PCDH15: variants seen among roughly 807,000 people sequenced by gnomAD.
PCDH15 encodes the protein protocadherin-15.
Under a neutral mutation model 178.5 loss-of-function variants are expected in PCDH15, and 129 were observed. The ratio of observed to expected loss-of-function variants is 0.72; its 90% confidence interval spans 0.63 to 0.84. PCDH15 has a LOEUF of 0.84. Ranked by LOEUF, PCDH15 falls within the 40% of genes least tolerant of loss-of-function variation. The pLI, the probability that PCDH15 is intolerant of heterozygous loss-of-function variation, is 0.00. For missense variants in PCDH15, 2,230 were observed against 2,099.9 expected, an observed-to-expected ratio of 1.06 and a Z score of -1.21; for synonymous variants, 800 against 732.0, an observed-to-expected ratio of 1.09 and a Z score of -1.50.
intron 23 of PCDH15, among the ~76,000 whole-genome samples, chr10:53,953,054 A>G (rs2087237886): frequency 2.0e-5 from 3 of 152,182 alleles, no homozygotes. Flanking sequence ...AGCCCCTCCA[A>G]CTCAGAAGTG....
At chr10:55,137,682 T>C (rs1013990440) in intron 2 of PCDH15, among the ~76,000 whole-genome samples, 5 of 152,160 alleles carry the variant, frequency 3.3e-5, no homozygotes, top group African/African-American at 1.2e-4. Flanking sequence ...AAATATTATA[T>C]GTTACTTACT....
intron 2 of PCDH15, among the ~76,000 whole-genome samples, chr10:55,508,595 T>C (rs1160923641): frequency 6.6e-6 from 1 of 151,838 alleles, no homozygotes; most frequent in African/African-American, 2.4e-5. Flanking sequence ...TACTTTTCTA[T>C]GTAACTTCTT....
Position 53,806,721 on chromosome 10 carries a change from C to G in PCDH15, c.5081G>C (p.Ser1694Thr), listed in dbSNP as rs1841189546. The G allele has an allele frequency of 1.2e-6, 2 of 1,613,840 alleles. No individual in the cohort carries two copies. Among genetic ancestry groups the G allele is most frequent in the Non-Finnish European group, 1.7e-6 (2 of 1,179,814 alleles). The change falls in exon 38 of 38, where the codon AGC becomes ACC. Residue 1694 changes from serine to threonine, a missense_variant. By Grantham distance (58) the Ser-to-Thr change is moderately conservative. Transcript: ENST00000644397. ...AVKPLRNRLK[S>T]TVEQESMIDS... ...AATCATGGACTCCTGTTCAACTGTGCTTTTCAGCCTGTTCCTTAGTGGCTT... is the reference window on the plus strand; with the variant it reads ...AATCATGGACTCCTGTTCAACTGTGGTTTTCAGCCTGTTCCTTAGTGGCTT...
chr10:54,750,082 C>T (rs1048111528), intron 1 of PCDH15, among the ~76,000 whole-genome samples: 7 of 151,956 alleles, frequency 4.6e-5, no homozygotes, highest in Admixed American at 3.3e-4. Context: ...GTACATGAAG[C>T]GCCCTTGCTC....
intron 6 of PCDH15, among the ~76,000 whole-genome samples, chr10:54,330,024 C>G (rs953641502): frequency 2.6e-5 from 4 of 151,878 alleles, no homozygotes; most frequent in African/African-American, 9.7e-5. Context: ...AAAAACTTCC[C>G]TGTTACCACA....
intron 2 of PCDH15, among the ~76,000 whole-genome samples, chr10:54,960,007 G>A (rs1838601203): frequency 6.6e-6 from 1 of 152,074 alleles, no homozygotes; most frequent in Non-Finnish European, 1.5e-5. Flanking sequence ...TTTGGTCTTT[G>A]AAAATTTGTA....
intron 2 of PCDH15, among the ~76,000 whole-genome samples, chr10:54,607,452 G>A (rs181796424): frequency 6.6e-6 from 1 of 152,044 alleles, no homozygotes; most frequent in Non-Finnish European, 1.5e-5. Flanking sequence ...AAGAATGGCA[G>A]TAGACTAGAG....
At chr10:53,994,196 C>A (rs1031484622) in intron 21 of PCDH15, among the ~76,000 whole-genome samples, 2 of 152,138 alleles carry the variant, frequency 1.3e-5, no homozygotes, top group African/African-American at 2.4e-5. Flanking sequence ...TCATTACTAC[C>A]AAAGGGGAAG....
chr10:54,697,652 G>GGAAC (rs1472769103), intron 1 of PCDH15, among the ~76,000 whole-genome samples: 2 of 93,420 alleles, frequency 2.1e-5, no homozygotes, highest in Admixed American at 2.1e-4. Flanking sequence ...AAGGAAGGAA[G>GGAAC]GAAGGAAGGG....
chr10:55,258,445 T>C (rs1236788930), intron 1 of PCDH15, among the ~76,000 whole-genome samples: 1 of 152,174 alleles, frequency 6.6e-6, no homozygotes, highest in Non-Finnish European at 1.5e-5. Context: ...TCAAGTTGCC[T>C]GCTTAGGTCT....
chr10:55,050,925 A>C (rs925546886), intron 2 of PCDH15, among the ~76,000 whole-genome samples: 1 of 152,088 alleles, frequency 6.6e-6, no homozygotes, highest in African/African-American at 2.4e-5. Context: ...AGTGATTATC[A>C]GTAATGTTTC....
chr10:54,169,053 G>C (rs1336221995), intron 13 of PCDH15, among the ~76,000 whole-genome samples: 1 of 152,070 alleles, frequency 6.6e-6, no homozygotes, highest in Non-Finnish European at 1.5e-5. Context: ...CTGGCCACTG[G>C]GCCAAGGAAT....
At chr10:54,116,237 C>CA (rs58948747) in intron 15 of PCDH15, among the ~76,000 whole-genome samples, 4,143 of 124,638 alleles carry the variant, frequency 0.033, 85 homozygotes, top group African/African-American at 0.06. Flanking sequence ...ACTGAAAATG[C>CA]AAAAAAAAAA....
intron 2 of PCDH15, among the ~76,000 whole-genome samples, chr10:55,627,128 T>G (rs550511115): frequency 2.9e-4 from 44 of 151,868 alleles, no homozygotes; most frequent in African/African-American, 1.1e-3. Flanking sequence ...AAGAGAAGGA[T>G]GTAACCCCCC....
intron 2 of PCDH15, among the ~76,000 whole-genome samples, chr10:54,911,977 T>C (rs570252246): frequency 2.4e-4 from 37 of 152,284 alleles, no homozygotes; most frequent in African/African-American, 8.9e-4. Flanking sequence ...CATTGGTCTT[T>C]AACTGTAGCA....
chr10:54,873,695 T>TTTTATATA lies in PCDH15; in HGVS notation c.-29+23754_-29+23755insTATATAAA, dbSNP rs1554809277. Among the ~76,000 whole-genome samples the TTTTATATA allele has an allele frequency of 4.7e-3, 656 of 138,916 alleles. 2 individuals are homozygous for TTTTATATA. The highest frequency in any genetic ancestry group is 7.5e-3 in the Non-Finnish European group (486 of 64,966). The allele number at this position is 138,916 out of a possible 152,430, so 91.1% of individuals were successfully genotyped here. A position where few individuals can be genotyped will look rare whatever the true frequency, so the allele number is the denominator to read the frequency against. On this transcript the variant is annotated intron_variant, in intron 3 of 5. Transcript: ENST00000458638. ...AAAAATCTGAAGAAACTGCTGTATTTTATATATATATATATATATATAATA... is the reference window on the plus strand; with the variant it reads ...AAAAATCTGAAGAAACTGCTGTATTTTTTATATATATATATATATATATATATATAATA...
chr10:55,057,282 AT>A (rs1564754890), intron 2 of PCDH15, among the ~76,000 whole-genome samples: 2 of 151,818 alleles, frequency 1.3e-5, no homozygotes, highest in Non-Finnish European at 2.9e-5. Context: ...TGATTTCTGT[AT>A]TTTGGTATTC....
chr10:55,041,833 T>C (rs1043262810), intron 2 of PCDH15, among the ~76,000 whole-genome samples: 7 of 152,140 alleles, frequency 4.6e-5, no homozygotes, highest in Admixed American at 3.3e-4. Flanking sequence ...TTTTTTTAAC[T>C]TATAAACAAG....
intron 5 of PCDH15, among the ~76,000 whole-genome samples, chr10:54,356,768 G>C (rs191438532): frequency 3.3e-5 from 5 of 151,982 alleles, no homozygotes; most frequent in Admixed American, 3.3e-4. Context: ...TTCTGTATGG[G>C]GACCTGGAAT....
Sources: gnomAD v4.1 joint callset for allele counts (sites outside exome capture counted in the v4.1 genomes callset) on GRCh38, gnomAD v4.1.1 for gene constraint, MANE v1.5 for transcripts, NCBI Gene and HGNC (gene_info 2026-07-23, HGNC 2026-07-21) for gene names.